Variants in TLR8 observed in about 807,000 individuals in gnomAD.
TLR8 encodes the protein toll-like receptor 8.
TLR8 carries 5 observed loss-of-function variants against 18.5 expected under a neutral mutation model. The ratio of observed to expected loss-of-function variants is 0.27; its 90% CI spans 0.14 to 0.57. TLR8 has a LOEUF of 0.57. Among genes scored for constraint, TLR8 ranks in the 20% least tolerant of loss-of-function variants. The pLI is 0.92. For synonymous variants in TLR8, 299 were observed against 300.1 expected (o/e 1.00, Z 0.04); for missense variants, 543 against 769.8 (o/e 0.71, Z 3.49).
Position 12,919,684 on chromosome X carries a change from A to T in TLR8, c.644A>T (p.His215Leu). The change falls in exon 2 of 2, where the codon CAC becomes CTC. Residue 215 changes from histidine (H) to leucine (L), a missense_variant. His to Leu is a moderately conservative substitution (Grantham distance 99). This residue lies in a region of TLR8 where 185 missense variants were observed against 298.9 expected (regional missense o/e 0.62). Transcript: ENST00000218032. ...LLSLSFNSLS[H>L]VPPKLPSSLR... ...TCACTATCTTTCAATTCTCTTTCAC[A>T]CGTGCCACCCAAACTGCCAAGCTCC... The T allele has an allele frequency of 8.3e-7, 1 of 1,211,031 alleles. No individual in the cohort carries two copies. The highest frequency in any genetic ancestry group is 1.1e-6 in the Non-Finnish European group (1 of 895,149).
chrX:12,911,527 A>T (rs1325633820), intron 1 of TLR8, among the ~76,000 whole-genome samples: 2 of 111,558 alleles, frequency 1.8e-5, no homozygotes, highest in Non-Finnish European at 3.8e-5. Flanking sequence ...GGCCCACCTT[A>T]ATTCAGTAGA....
intron 1 of TLR8, among the ~76,000 whole-genome samples, chrX:12,910,097 G>A (rs1428441178): frequency 8.9e-6 from 1 of 112,173 alleles, no homozygotes; most frequent in Non-Finnish European, 1.9e-5. Flanking sequence ...TTCATCTAAA[G>A]TGACAAATCC....
In TLR8 at chrX:12,920,212, T is replaced by A. The variant is rs751271824; in HGVS notation, c.1172T>A (p.Met391Lys). ...AGAGAAGATGATTTCCAGCCCCTGA[T>A]GCAGCTTCCAAACTTATCGACTATC... ...ELREDDFQPL[M>K]QLPNLSTINL... is the part of the protein sequence containing the mutation. The change falls in exon 2 of 2, where the codon ATG (methionine) becomes AAG (lysine). Residue 391 changes from methionine (M) to lysine (K), a missense_variant. Physicochemically the swap from Met to Lys is moderately conservative, Grantham distance 95. Around this residue, in one of 4 missense-constraint regions of TLR8, gnomAD observed 185 missense variants for 298.9 expected, o/e 0.62. Coordinates refer to ENST00000218032, the MANE Select transcript of TLR8 (RefSeq NM_138636.5). 13 of 1,209,587 alleles carry A rather than the reference T, an allele frequency of 1.1e-5. No individual in the cohort carries two copies. In the East Asian group the frequency reaches 3.8e-4, roughly 36 times the overall value.
At chrX:12,914,078 A>T (rs4830807) in intron 1 of TLR8, among the ~76,000 whole-genome samples, 2 of 110,272 alleles carry the variant, frequency 1.8e-5, no homozygotes, top group Non-Finnish European at 3.8e-5. Flanking sequence ...CAGAGCAAAA[A>T]GCCTAGAAAT....
chrX:12,916,554 G>A (rs1336829505), intron 1 of TLR8, among the ~76,000 whole-genome samples: 1 of 112,164 alleles, frequency 8.9e-6, no homozygotes, highest in African/African-American at 3.2e-5. Flanking sequence ...TGTGAAGCCT[G>A]GAGACCTGTG....
intron 1 of TLR8, among the ~76,000 whole-genome samples, chrX:12,911,796 C>T (rs1176614496): frequency 8.9e-6 from 1 of 112,965 alleles, no homozygotes; most frequent in African/African-American, 3.2e-5. Context: ...CCCCATTATA[C>T]CATCAGCTGT....
chrX:12,917,378 A>G (rs1419543627), intron 1 of TLR8, among the ~76,000 whole-genome samples: 1 of 112,637 alleles, frequency 8.9e-6, no homozygotes, highest in Non-Finnish European at 1.9e-5. Flanking sequence ...ATAATGATTG[A>G]GCTTAAGAAT....
At chrX:12,914,781 T>C (rs930878590) in intron 1 of TLR8, among the ~76,000 whole-genome samples, 1 of 111,987 alleles carries the variant, frequency 8.9e-6, no homozygotes, top group Non-Finnish European at 1.9e-5. Context: ...GTGAACACTG[T>C]AGAATCAATC....
At position 12,922,125 on chromosome X, in the gene TLR8, C is replaced by T; in HGVS notation, c.3085C>T (p.Arg1029Trp). The part of the protein sequence containing the change: ...RNVVLTENDS[R>W]YNNMYVDSIK... ...TGTGGTCTTGACTGAAAATGATTCA[C>T]GGTATAACAATATGTATGTCGATTC... The change falls in exon 2 of 2, where the codon CGG becomes TGG. Residue 1029 changes from arginine (R) to tryptophan (W), a missense_variant. Physicochemically the swap from Arg to Trp is moderately radical, Grantham distance 101 (BLOSUM62 -3). This residue lies in a region of TLR8 where 227 missense variants were observed against 312.9 expected (regional missense o/e 0.73). Transcript: ENST00000218032. 1.7e-6 allele frequency: 2 copies of T among 1,208,195 alleles called. No homozygotes were observed. The highest frequency in any genetic ancestry group is 2.2e-6 in the Non-Finnish European group (2 of 893,480).
At chrX:12,912,022 C>A (rs977684338) in intron 1 of TLR8, among the ~76,000 whole-genome samples, 3 of 112,686 alleles carry the variant, frequency 2.7e-5, no homozygotes, top group African/African-American at 9.7e-5. Flanking sequence ...GAGCACCCGA[C>A]TGTTAGGTTC....
chrX:12,910,443 G>A (rs1316942453), intron 1 of TLR8: 1 of 1,166,964 alleles, frequency 8.6e-7, no homozygotes, highest in Non-Finnish European at 1.1e-6. Context: ...GACTAAAAAG[G>A]TAAAAAGCTG....
At chrX:12,917,879 A>T (rs5741887) in intron 1 of TLR8, among the ~76,000 whole-genome samples, 8,028 of 112,049 alleles carry the variant, frequency 0.072, 729 homozygotes, top group African/African-American at 0.25. Context: ...TTTGAGGCAC[A>T]GTTCAGGCAC....
In TLR8 at chrX:12,919,077, T is replaced by G. The variant is rs570794757; in HGVS notation, c.37T>G (p.Cys13Gly). Reference protein sequence around the residue: ...NMFLQSSMLTCIFLLISGSCE... With the variant: ...NMFLQSSMLTGIFLLISGSCE... The stretch of plus-strand genomic sequence containing the variant: ...GTTCCTTCAGTCGTCAATGCTGACC[T>G]GCATTTTCCTGCTAATATCTGGTTC... Residue 13 changes from cysteine (C) to glycine (G), a missense_variant, in exon 2 of 2, where the codon TGC (cysteine) becomes GGC (glycine). Transcript: ENST00000218032. 6 of 1,206,535 alleles carry G rather than the reference T, an allele frequency of 5.0e-6. No individual in the cohort carries two copies. The African/African-American group carries it at 5.2e-5, about 11-fold the overall frequency.
intron 1 of TLR8, chrX:12,910,339 G>A: frequency 8.6e-7 from 1 of 1,165,034 alleles, no homozygotes; most frequent in Non-Finnish European, 1.1e-6. Context: ...GGGAACATCA[G>A]CAAGACCCAT....
In TLR8 at chrX:12,915,787, T is replaced by C. The variant is rs774128314; in HGVS notation, c.4-3257T>C. Reference sequence around the variant, plus strand: ...GGAATAGACACAGGGCCTTTGCACATGCTGCTCCCTTTTCCTGAAAAATTC... The same window carrying C: ...GGAATAGACACAGGGCCTTTGCACACGCTGCTCCCTTTTCCTGAAAAATTC... On this transcript the variant is annotated intron_variant, in intron 1 of 1. Coordinates refer to ENST00000218032, the MANE Select transcript of TLR8 (RefSeq NM_138636.5). Among the ~76,000 whole-genome samples, 11 of 112,776 alleles carry C rather than the reference T, an allele frequency of 9.8e-5. No individual in the cohort carries two copies. In the East Asian group the frequency reaches 3.1e-3, roughly 31 times the overall value.
At chrX:12,911,627 G>A (rs993591703) in intron 1 of TLR8, among the ~76,000 whole-genome samples, 11 of 112,165 alleles carry the variant, frequency 9.8e-5, no homozygotes, top group Non-Finnish European at 1.7e-4. Context: ...TCTATTAGGG[G>A]ACACAATTCA....
At chrX:12,907,965 T>C (rs1265555616) in intron 1 of TLR8, among the ~76,000 whole-genome samples, 1 of 112,265 alleles carries the variant, frequency 8.9e-6, no homozygotes, top group Non-Finnish European at 1.9e-5. Flanking sequence ...CAATGACACA[T>C]ATGGGATTGC....
intron 1 of TLR8, among the ~76,000 whole-genome samples, chrX:12,915,471 T>G (rs1203655243): frequency 1.8e-5 from 2 of 112,997 alleles, no homozygotes; most frequent in Non-Finnish European, 3.7e-5. Context: ...TGGTCCACTC[T>G]GGTCTTTACT....
At chrX:12,914,610 C>T (rs1221475760) in intron 1 of TLR8, among the ~76,000 whole-genome samples, 1 of 111,401 alleles carries the variant, frequency 9.0e-6, no homozygotes, top group African/African-American at 3.3e-5. Flanking sequence ...TGATTGCATC[C>T]CTCTCCCTCA....
Sources: allele counts gnomAD v4.1 joint callset (sites outside exome capture counted in the v4.1 genomes callset), GRCh38; gene constraint gnomAD v4.1.1; regional missense constraint gnomAD v4.1.1; transcripts MANE v1.5; gene names NCBI Gene and HGNC (gene_info 2026-07-23, HGNC 2026-07-21).